Variants in SIMC1 observed in about 807,000 individuals in gnomAD.
SIMC1 encodes SUMO interacting motifs containing 1.
A neutral mutation model predicts 82.3 loss-of-function variants in SIMC1; 55 were observed. That is an observed-to-expected ratio of 0.67 (90% CI 0.54 to 0.84). SIMC1 has a LOEUF of 0.84. Ranked by LOEUF, SIMC1 falls within the 40% of genes least tolerant of loss-of-function variation. The pLI is 0.00. For missense variants in SIMC1, 915 were observed against 1,107.2 expected (o/e 0.83, Z 2.46); for synonymous variants, 353 against 426.3 (o/e 0.83, Z 2.12).
intron 1 of SIMC1, among the ~76,000 whole-genome samples, chr5:176,261,690 T>C (rs112205353): frequency 0.14 from 20,939 of 151,704 alleles, 1,481 homozygotes; most frequent in Middle Eastern, 0.21. Flanking sequence ...GGAAGTTGCA[T>C]TGGGCTGAGA....
chr5:176,279,718 C>G (rs1190527118), intron 1 of SIMC1, among the ~76,000 whole-genome samples: 3 of 150,982 alleles, frequency 2.0e-5, no homozygotes, highest in Non-Finnish European at 4.4e-5. Flanking sequence ...TTTCTGCCTT[C>G]ATTTCGTTAT....
At chr5:176,326,104 GT>G (rs974930379) in intron 7 of SIMC1, among the ~76,000 whole-genome samples, 1 of 152,174 alleles carries the variant, frequency 6.6e-6, no homozygotes, top group African/African-American at 2.4e-5. Flanking sequence ...GTATAAGAGA[GT>G]CATTGCGTAG....
intron 2 of SIMC1, among the ~76,000 whole-genome samples, chr5:176,292,105 G>A (rs1326825274): frequency 6.6e-6 from 1 of 152,010 alleles, no homozygotes; most frequent in East Asian, 1.9e-4. Context: ...TTCCCTTCCT[G>A]GTGCCCTTAT....
intron 1 of SIMC1, among the ~76,000 whole-genome samples, chr5:176,274,335 C>A (rs1278117262): frequency 1.3e-5 from 2 of 149,356 alleles, no homozygotes; most frequent in African/African-American, 4.9e-5. Flanking sequence ...GTCCTTCGCC[C>A]ACTTTTTGAT....
intron 1 of SIMC1, among the ~76,000 whole-genome samples, chr5:176,255,603 A>G (rs1761827913): frequency 6.6e-6 from 1 of 150,560 alleles, no homozygotes; most frequent in Non-Finnish European, 1.5e-5. Context: ...TTTTTAAAGA[A>G]AAAGAGCTAA....
rs1248607851 is a variant in SIMC1, at chr5:176,334,143, T to G, written c.2172-2577T>G. Among the ~76,000 whole-genome samples the G allele has an allele frequency of 2.0e-5, 3 of 152,228 alleles. No individual in the cohort carries two copies. The East Asian group carries it at 5.8e-4, about 29-fold the overall frequency. On this transcript the variant is annotated intron_variant, in intron 7 of 9. Transcript: ENST00000429602. ...CATGTATGTCACCTCTTGGTCTGTT[T>G]CTATGGACATTTGCTCCTGGTTATG...
intron 1 of SIMC1, among the ~76,000 whole-genome samples, chr5:176,278,946 A>G (rs1384941444): frequency 6.6e-6 from 1 of 152,148 alleles, no homozygotes; most frequent in Non-Finnish European, 1.5e-5. Flanking sequence ...CTTTGTTATC[A>G]GAATGATGCT....
chr5:176,305,133 A>AG (rs1764254029), intron 4 of SIMC1, among the ~76,000 whole-genome samples: 1 of 13,256 alleles, frequency 7.5e-5, no homozygotes, highest in African/African-American at 3.4e-4. Flanking sequence ...CGTGCCATCC[A>AG]GGAGGGGGGG....
chr5:176,313,690 G>A lies in SIMC1; in HGVS notation c.1735-1G>A, dbSNP rs1243303260. 5 of 1,613,150 alleles carry A rather than the reference G, an allele frequency of 3.1e-6. No homozygotes were observed. Among genetic ancestry groups the A allele is most frequent in the Non-Finnish European group, 4.2e-6 (5 of 1,179,614 alleles). On this transcript the variant is annotated splice_acceptor_variant, in intron 4 of 9. Coordinates refer to ENST00000429602, the MANE Select transcript of SIMC1 (RefSeq NM_001308195.2). LOFTEE classifies it high-confidence loss of function. The stretch of plus-strand genomic sequence containing the variant: ...CTGACTTCTCATTCTTTTTCCCACA[G>A]GGACAAACTCTGCCTGGGCGAGTCC...
chr5:176,305,189 T>A (rs866597541), intron 4 of SIMC1, among the ~76,000 whole-genome samples: 1 of 23,356 alleles, frequency 4.3e-5, no homozygotes, highest in African/African-American at 1.4e-4. Flanking sequence ...GGGAGGGAGG[T>A]GGGGGGTCAG....
At chr5:176,286,928 G>A (rs1418316104) in intron 1 of SIMC1, among the ~76,000 whole-genome samples, 2 of 152,122 alleles carry the variant, frequency 1.3e-5, no homozygotes, top group Non-Finnish European at 2.9e-5. Context: ...ACCACAATGA[G>A]ATACCATATC....
chr5:176,249,212 G>C lies in SIMC1; in HGVS notation c.129+10575G>C, dbSNP rs553941884. On this transcript the variant is annotated intron_variant, in intron 1 of 9. Coordinates refer to ENST00000429602, the MANE Select transcript of SIMC1 (RefSeq NM_001308195.2). ...CTCTTTGTGCCTCTAGTAGAATTTGGCTGTGAATCCGTCTGGTCCTGGGCT... is the reference window on the plus strand; with the variant it reads ...CTCTTTGTGCCTCTAGTAGAATTTGCCTGTGAATCCGTCTGGTCCTGGGCT... 1.4e-4 allele frequency among the ~76,000 whole-genome samples: 21 copies of C among 152,130 alleles called. 1 individual carries two copies. The highest frequency in any genetic ancestry group is 1.4e-3 in the East Asian group (7 of 5,176).
intron 1 of SIMC1, among the ~76,000 whole-genome samples, chr5:176,281,930 C>T (rs1300644460): frequency 2.0e-5 from 3 of 152,200 alleles, no homozygotes; most frequent in African/African-American, 7.2e-5. Flanking sequence ...TCTCCAGCTG[C>T]GTGCTGGGAG....
chr5:176,309,884 A>G (rs2878443), intron 4 of SIMC1, among the ~76,000 whole-genome samples: 3 of 152,194 alleles, frequency 2.0e-5, no homozygotes, highest in Admixed American at 2.0e-4. Context: ...GCGGTGAGCT[A>G]TGATCACACC....
intron 9 of SIMC1, among the ~76,000 whole-genome samples, chr5:176,344,680 C>T (rs1306323635): frequency 2.6e-5 from 4 of 152,144 alleles, no homozygotes; most frequent in East Asian, 1.9e-4. Context: ...GGAGGTGCTA[C>T]GTAAACACTT....
chr5:176,329,754 A>G (rs1437880347), intron 7 of SIMC1, among the ~76,000 whole-genome samples: 1 of 152,216 alleles, frequency 6.6e-6, no homozygotes, highest in Non-Finnish European at 1.5e-5. Context: ...TTTTATGTGT[A>G]TTCTAGGATT....
At chr5:176,244,706 CTTTTTTTTTTTCCTTT>C (rs1384510494) in intron 1 of SIMC1, among the ~76,000 whole-genome samples, 4 of 119,092 alleles carry the variant, frequency 3.4e-5, no homozygotes, top group Non-Finnish European at 3.6e-5. Flanking sequence ...TATAATGTTT[CTTTTTTTTTTTCCTTT>C]TTTTTTTTTT....
chr5:176,328,055 A>G (rs1165091545), intron 7 of SIMC1, among the ~76,000 whole-genome samples: 1 of 152,034 alleles, frequency 6.6e-6, no homozygotes, highest in Non-Finnish European at 1.5e-5. Flanking sequence ...TTTTCCTGTA[A>G]TGTTTAATGT....
intron 1 of SIMC1, 85 bp downstream of exon 1, chr5:176,238,722 C>T: frequency 9.8e-7 from 1 of 1,023,962 alleles, no homozygotes; most frequent in East Asian, 4.6e-5. Flanking sequence ...CCTGGCGCCT[C>T]ACAGCTGCAG....
Sources: allele counts gnomAD v4.1 joint callset (sites outside exome capture counted in the v4.1 genomes callset), GRCh38; gene constraint gnomAD v4.1.1; transcripts MANE v1.5; gene names NCBI Gene and HGNC (gene_info 2026-07-23, HGNC 2026-07-21).